The following FCN2 variants were observed in gnomAD, a reference collection of about 807,000 sequenced individuals.
The protein encoded by FCN2 is ficolin-2.
A neutral mutation model predicts 32.5 loss-of-function variants in FCN2; 31 were observed. The observed-to-expected ratio is 0.96, with a 90% CI of 0.72 to 1.29. FCN2 has a LOEUF of 1.29. Among genes scored for constraint, FCN2 ranks in the 50% most tolerant of loss-of-function variants. The pLI is 0.00. For synonymous variants in FCN2, 181 were observed against 164.5 expected, an observed-to-expected ratio of 1.10 and a Z score of -0.77; for missense variants, 412 against 406.5, an observed-to-expected ratio of 1.01 and a Z score of -0.12.
At position 134,886,451 on chromosome 9, in the gene FCN2, A is replaced by G. The variant is rs541303897; in HGVS notation, c.581A>G (p.Asp194Gly). 3 of 1,614,158 alleles carry G rather than the reference A, an allele frequency of 1.9e-6. No individual in the cohort carries two copies. Among genetic ancestry groups the G allele is most frequent in the African/African-American group, 1.3e-5 (1 of 75,032 alleles). Residue 194 changes from aspartate (D) to glycine (G), a missense_variant, in exon 7 of 8, where the codon GAC (aspartate) becomes GGC (glycine). Asp to Gly is a moderately conservative substitution (Grantham distance 94). Transcript: ENST00000291744. ...TAQGTSELRV[D>G]LVDFEDNYQF... ...ACAGGAACCAGCGAGCTCCGTGTAG[A>G]CCTGGTGGACTTTGAGGACAACTAC...
intron 7 of FCN2, among the ~76,000 whole-genome samples, chr9:134,886,838 T>C (rs985184869): frequency 3.9e-5 from 6 of 152,156 alleles, no homozygotes; most frequent in African/African-American, 1.4e-4. Context: ...CAGCAGCTGA[T>C]ATCTCTGCGG....
chr9:134,884,668 G>A lies in FCN2; in HGVS notation c.269-72G>A, dbSNP rs74909701. ...TGGGGAGGCCCAGAAAATGGTGTCC[G>A]CGGACCAATGGGGGCTGAAGGGCTC... On this transcript the variant is annotated intron_variant, in intron 3 of 7. Coordinates refer to ENST00000291744, the MANE Select transcript of FCN2 (RefSeq NM_004108.3). 2.1e-3 allele frequency: 3,061 copies of A among 1,467,938 alleles called. 46 individuals carry two copies. The African/African-American group carries it at 0.03, about 14-fold the overall frequency. 90.9% of individuals were successfully genotyped at this position (1,467,938 alleles called of 1,614,324 possible). A position where few individuals can be genotyped will look rare whatever the true frequency, so the allele number is the denominator to read the frequency against.
intron 3 of FCN2, among the ~76,000 whole-genome samples, 153 bp from the exon 4 acceptor site, chr9:134,884,587 T>G (rs1489236520): frequency 6.6e-6 from 1 of 152,162 alleles, no homozygotes; most frequent in East Asian, 1.9e-4. Flanking sequence ...AAAGAAAAAT[T>G]TGGTCAACAG....
intron 5 of FCN2, 22 bp from the exon 6 acceptor site, chr9:134,885,746 C>G: frequency 6.2e-7 from 1 of 1,613,970 alleles, no homozygotes. Flanking sequence ...CCCCCGGCTC[C>G]TGTCCCCTGG....
At chr9:134,874,614 C>T in the FCN2 span, among the ~76,000 whole-genome samples, 5 of 152,132 alleles carry the variant, frequency 3.3e-5, no homozygotes, top group South Asian at 2.1e-4. Context: ...GATAGTGATG[C>T]TTTATAATAA....
upstream of FCN2, among the ~76,000 whole-genome samples, chr9:134,877,290 C>T (rs1588640182): frequency 6.6e-6 from 1 of 152,172 alleles, no homozygotes; most frequent in East Asian, 1.9e-4. Context: ...ATTTGCCTCC[C>T]AAGGAGTGCT....
upstream of FCN2, among the ~76,000 whole-genome samples, chr9:134,877,080 C>T (rs759834063): frequency 6.6e-5 from 10 of 152,188 alleles, no homozygotes; most frequent in Non-Finnish European, 1.2e-4. Flanking sequence ...TTCAGTCTGA[C>T]TAGAGGTTTA....
intron 1 of FCN2, among the ~76,000 whole-genome samples, chr9:134,881,255 A>T (rs989366437): frequency 5.3e-5 from 8 of 152,150 alleles, no homozygotes; most frequent in Admixed American, 4.6e-4. Flanking sequence ...CCAGCTGGGT[A>T]GACACCAGTC....
the FCN2 span, among the ~76,000 whole-genome samples, chr9:134,868,970 T>C: frequency 2.6e-5 from 4 of 152,188 alleles, no homozygotes; most frequent in East Asian, 5.8e-4. The surrounding 1 kb of genome is among the most constrained non-coding windows in gnomAD (Gnocchi z 4.3). Context: ...TTGGTTTCTA[T>C]CATCCCCGGA....
chr9:134,883,003 G>A (rs3124956), intron 2 of FCN2, among the ~76,000 whole-genome samples: 80,618 of 151,990 alleles, frequency 0.53, 21,883 homozygotes, highest in East Asian at 0.81. Context: ...CTGAGGCTCA[G>A]AGAGTCCAGG....
upstream of FCN2, among the ~76,000 whole-genome samples, chr9:134,878,957 C>A (rs774055918): frequency 5.9e-5 from 9 of 152,206 alleles, no homozygotes; most frequent in Non-Finnish European, 1.2e-4. Context: ...GTGAATAATT[C>A]TTGGTCCATT....
the FCN2 span, among the ~76,000 whole-genome samples, chr9:134,867,711 T>G: frequency 6.7e-6 from 1 of 149,500 alleles, no homozygotes; most frequent in Non-Finnish European, 1.5e-5. Flanking sequence ...GCTGCAGCTG[T>G]GCCACACCTG....
chr9:134,864,869 G>C, the FCN2 span, among the ~76,000 whole-genome samples: 1 of 152,376 alleles, frequency 6.6e-6, no homozygotes, highest in African/African-American at 2.4e-5. Flanking sequence ...AGCCTAACAC[G>C]GGGGTTAGGA....
At chr9:134,883,620 G>A (rs1209340736) in intron 3 of FCN2, among the ~76,000 whole-genome samples, 2 of 119,646 alleles carry the variant, frequency 1.7e-5, no homozygotes, top group Non-Finnish European at 3.5e-5. Flanking sequence ...TCAGTTTGGG[G>A]GAGTGGGGTC....
chr9:134,881,081 G>A (rs993103407), intron 1 of FCN2, among the ~76,000 whole-genome samples, 160 bp downstream of exon 1: 6 of 152,200 alleles, frequency 3.9e-5, no homozygotes, highest in Non-Finnish European at 7.3e-5. Context: ...GTGAACAAAC[G>A]CAGAGGCCCC....
chr9:134,881,424 C>T (rs556196633), intron 1 of FCN2, among the ~76,000 whole-genome samples: 7 of 152,276 alleles, frequency 4.6e-5, no homozygotes, highest in Non-Finnish European at 7.4e-5. Context: ...GTCCCTGATG[C>T]GGCACAATAA....
chr9:134,879,528 C>T (rs1209696205), upstream of FCN2, among the ~76,000 whole-genome samples: 2 of 152,140 alleles, frequency 1.3e-5, no homozygotes, highest in Non-Finnish European at 2.9e-5. Flanking sequence ...GAGGAAGATG[C>T]CCCCAAGCCA....
chr9:134,880,680 T>C (rs1012017436), upstream of FCN2: 3 of 716,736 alleles, frequency 4.2e-6, no homozygotes, highest in Non-Finnish European at 7.6e-6. Context: ...CTGGAGATGA[T>C]CTCGCACCTC....
At chr9:134,886,381 T>C (rs1455692490) in intron 6 of FCN2, 49 bp from the exon 7 acceptor site, 1 of 1,612,436 alleles carries the variant, frequency 6.2e-7, no homozygotes, top group Admixed American at 1.7e-5. Flanking sequence ...CTCCCATGTC[T>C]AAAGGTAGAG....
Sources: gnomAD v4.1 joint callset for allele counts (sites outside exome capture counted in the v4.1 genomes callset) on GRCh38, gnomAD v4.1.1 for gene constraint, Gnocchi (gnomAD v3.1) non-coding constraint, MANE v1.5 for transcripts, NCBI Gene and HGNC (gene_info 2026-07-23, HGNC 2026-07-21) for gene names.